The following ZNF892 variants were observed in gnomAD, a reference collection of about 807,000 sequenced individuals.
ZNF892 encodes zinc finger protein 892.
At chr2:95,246,992 A>G in the ZNF892 span, among the ~76,000 whole-genome samples, 2 of 152,234 alleles carry the variant, frequency 1.3e-5, no homozygotes, top group African/African-American at 4.8e-5. Flanking sequence ...TCTTTACAGA[A>G]TTAGAAAAAA....
At chr2:95,217,701 C>T in the ZNF892 span, among the ~76,000 whole-genome samples, 10 of 152,194 alleles carry the variant, frequency 6.6e-5, no homozygotes, top group Non-Finnish European at 1.5e-4. Context: ...ATTAGGCCTT[C>T]GTTTCGTCAG....
At chr2:95,220,583 G>A in the ZNF892 span, among the ~76,000 whole-genome samples, 3 of 152,166 alleles carry the variant, frequency 2.0e-5, no homozygotes, top group Non-Finnish European at 4.4e-5. Flanking sequence ...AGCGATAGGA[G>A]AAAGTAGTGC....
chr2:95,259,928 C>T, the ZNF892 span, among the ~76,000 whole-genome samples: 11 of 152,296 alleles, frequency 7.2e-5, no homozygotes, highest in Non-Finnish European at 1.5e-4. Flanking sequence ...GCTATTATTC[C>T]CACAGGAGTG....
At chr2:95,218,751 A>C in the ZNF892 span, among the ~76,000 whole-genome samples, 1 of 152,226 alleles carries the variant, frequency 6.6e-6, no homozygotes, top group Non-Finnish European at 1.5e-5. Flanking sequence ...ATCAGGGTCC[A>C]ACAGCGTTCA....
the ZNF892 span, among the ~76,000 whole-genome samples, chr2:95,210,235 A>G: frequency 6.7e-6 from 1 of 149,506 alleles, no homozygotes; most frequent in East Asian, 2.0e-4. Flanking sequence ...ATATGTGTAT[A>G]TATGTATATA....
At chr2:95,218,175 T>C in the ZNF892 span, among the ~76,000 whole-genome samples, 2 of 152,238 alleles carry the variant, frequency 1.3e-5, no homozygotes, top group Non-Finnish European at 2.9e-5. Context: ...GCCACACTCT[T>C]AGTGTTTTCT....
At chr2:95,255,393 G>T in the ZNF892 span, among the ~76,000 whole-genome samples, 1 of 152,188 alleles carries the variant, frequency 6.6e-6, no homozygotes, top group Non-Finnish European at 1.5e-5. Flanking sequence ...GCAGTTTTGA[G>T]TGAGTTTATT....
At chr2:95,214,023 A>G in the ZNF892 span, among the ~76,000 whole-genome samples, 1 of 151,988 alleles carries the variant, frequency 6.6e-6, no homozygotes, top group Non-Finnish European at 1.5e-5. Context: ...AAAATCTGCT[A>G]TTTCTCCATA....
the ZNF892 span, among the ~76,000 whole-genome samples, chr2:95,208,162 G>A: frequency 6.6e-6 from 1 of 152,208 alleles, no homozygotes; most frequent in African/African-American, 2.4e-5. Flanking sequence ...GGAAAGCAGG[G>A]ATTTGAGAAG....
At chr2:95,221,132 A>G in the ZNF892 span, among the ~76,000 whole-genome samples, 2 of 152,202 alleles carry the variant, frequency 1.3e-5, no homozygotes, top group African/African-American at 2.4e-5. Flanking sequence ...CTTGAGAATG[A>G]TTGCAAGAGT....
chr2:95,222,152 C>T, the ZNF892 span, among the ~76,000 whole-genome samples: 24 of 152,120 alleles, frequency 1.6e-4, no homozygotes, highest in Non-Finnish European at 2.9e-4. Flanking sequence ...AGTATAAAGG[C>T]TTTGATTTTC....
chr2:95,223,523 C>T, the ZNF892 span, among the ~76,000 whole-genome samples: 2 of 151,994 alleles, frequency 1.3e-5, no homozygotes, highest in Non-Finnish European at 2.9e-5. Flanking sequence ...CTCAGTCTCT[C>T]GAGTAGCTGG....
At chr2:95,218,565 A>G in the ZNF892 span, among the ~76,000 whole-genome samples, 2 of 151,962 alleles carry the variant, frequency 1.3e-5, no homozygotes, top group Non-Finnish European at 2.9e-5. Flanking sequence ...TTTAGCCTCT[A>G]CCCATCACCC....
chr2:95,210,811 G>GGA, the ZNF892 span, among the ~76,000 whole-genome samples: 2 of 152,130 alleles, frequency 1.3e-5, no homozygotes, highest in African/African-American at 4.8e-5. Context: ...GCAACCCAAG[G>GGA]GAATGGAAGG....
At chr2:95,236,938 T>C in the ZNF892 span, among the ~76,000 whole-genome samples, 2 of 152,228 alleles carry the variant, frequency 1.3e-5, no homozygotes, top group African/African-American at 4.8e-5. Context: ...ATATGTCATT[T>C]TTATTGCACT....
chr2:95,242,772 G>T, the ZNF892 span, among the ~76,000 whole-genome samples: 1 of 152,102 alleles, frequency 6.6e-6, no homozygotes, highest in Non-Finnish European at 1.5e-5. Flanking sequence ...ACACACATGG[G>T]CTCAAAATAA....
the ZNF892 span, among the ~76,000 whole-genome samples, chr2:95,216,622 T>A: frequency 1.2e-4 from 18 of 152,218 alleles, no homozygotes; most frequent in Non-Finnish European, 2.4e-4. Context: ...CATCTTTTTA[T>A]ATTTTTTTCA....
At chr2:95,251,610 G>A in the ZNF892 span, among the ~76,000 whole-genome samples, 1 of 152,180 alleles carries the variant, frequency 6.6e-6, no homozygotes, top group African/African-American at 2.4e-5. Flanking sequence ...GGCTGAGACG[G>A]CAATGACCCC....
the ZNF892 span, among the ~76,000 whole-genome samples, chr2:95,233,857 T>C: frequency 2.0e-5 from 3 of 151,754 alleles, no homozygotes; most frequent in Non-Finnish European, 4.4e-5. Flanking sequence ...TTTTTGTATT[T>C]TTTGTAGAAA....
Sources: allele counts gnomAD v4.1 joint callset (sites outside exome capture counted in the v4.1 genomes callset), GRCh38; gene constraint gnomAD v4.1.1; transcripts MANE v1.5; gene names NCBI Gene and HGNC (gene_info 2026-07-23, HGNC 2026-07-21).